AGT: variants seen among roughly 807,000 people sequenced by gnomAD.
The protein encoded by AGT is angiotensinogen.
Under a neutral mutation model 28.1 loss-of-function variants are expected in AGT, and 26 were observed. That is an observed-to-expected ratio of 0.92 (90% confidence interval 0.68 to 1.28). The LOEUF is 1.28. AGT is among the 50% of genes most tolerant of loss of function. AGT has a pLI of 0.00. For missense variants in AGT, 596 were observed against 592.3 expected (o/e 1.01, Z -0.06); for synonymous variants, 259 against 259.6 (o/e 1.00, Z 0.02).
rs16852514 is a variant in AGT, at chr1:230,737,670, G to A, written c.-31+7845C>T. Among the ~76,000 whole-genome samples, 668 of 152,118 alleles carry A rather than the reference G, an allele frequency of 4.4e-3. 5 individuals carry two copies. The highest frequency in any genetic ancestry group is 0.014 in the African/African-American group (581 of 41,502). ...CTCCCTTTTAGTACTACAACTTTAC[G>A]AAACACTGTAGGAGGCAAAATGAGG... On this transcript the variant is annotated intron_variant, in intron 1 of 4. Coordinates refer to the AGT transcript ENST00000681269.
chr1:230,724,064 G>C (rs4284270), intron 1 of AGT, among the ~76,000 whole-genome samples: 125 of 152,314 alleles, frequency 8.2e-4, no homozygotes, highest in African/African-American at 3.0e-3. Context: ...CCAAATCTGG[G>C]CTGGACCACC....
intron 1 of AGT, among the ~76,000 whole-genome samples, chr1:230,733,972 A>G (rs1176737455): frequency 3.3e-5 from 5 of 152,152 alleles, no homozygotes; most frequent in Non-Finnish European, 7.3e-5. Flanking sequence ...GATGCACAGA[A>G]GCCCAACTCA....
At chr1:230,718,480 C>T (rs1663781068), upstream of AGT, among the ~76,000 whole-genome samples, 1 of 152,018 alleles carries the variant, frequency 6.6e-6, no homozygotes, top group African/African-American at 2.4e-5. Flanking sequence ...GATCTCTAGA[C>T]TTGTTCATCG....
chr1:230,717,610 G>A (rs529533558), upstream of AGT, among the ~76,000 whole-genome samples: 111 of 152,284 alleles, frequency 7.3e-4, 1 homozygote, highest in African/African-American at 2.6e-3. Flanking sequence ...TGCCTTGGAA[G>A]AGGCATGTGA....
At chr1:230,719,650 G>T (rs570323715) in intron 1 of AGT, among the ~76,000 whole-genome samples, 1 of 151,930 alleles carries the variant, frequency 6.6e-6, no homozygotes, top group Non-Finnish European at 1.5e-5. Flanking sequence ...CTCGTGATCC[G>T]CCTGCCTCGG....
intron 1 of AGT, among the ~76,000 whole-genome samples, chr1:230,724,995 G>A (rs74144814): frequency 0.014 from 2,059 of 152,144 alleles, 53 homozygotes; most frequent in African/African-American, 0.046. Flanking sequence ...AAATCTGATG[G>A]GGACAAAAAT....
intron 3 of AGT, 77 bp from the exon 4 acceptor site, chr1:230,704,414 C>G: frequency 1.3e-6 from 2 of 1,546,958 alleles, no homozygotes; most frequent in Non-Finnish European, 1.8e-6. Flanking sequence ...CAGGCTTATG[C>G]TCCTTGCACC....
intron 1 of AGT, among the ~76,000 whole-genome samples, chr1:230,724,823 CACAA>C (rs754169820): frequency 1.3e-5 from 2 of 152,044 alleles, no homozygotes; most frequent in South Asian, 2.1e-4. Context: ...AAGACATTGT[CACAA>C]ACAAACAAAC....
intron 1 of AGT, among the ~76,000 whole-genome samples, chr1:230,739,198 G>GA (rs1553316565): frequency 7.0e-6 from 1 of 143,842 alleles, no homozygotes. Flanking sequence ...TCCTCTACAG[G>GA]TTTTTTTTTT....
At chr1:230,716,231 A>T (rs1663732568), upstream of AGT, among the ~76,000 whole-genome samples, 2 of 152,196 alleles carry the variant, frequency 1.3e-5, no homozygotes, top group Non-Finnish European at 2.9e-5. Context: ...TGAGAATGTA[A>T]ATTATTCCCA....
chr1:230,704,348 G>A lies in AGT; in HGVS notation c.1098-11C>T. Reference sequence around the variant, plus strand: ...GTCAGGTGGATGGTCCTGGGGAGATGATGCACAGTTAGGAAGGCTCCAGGC... The same window carrying A: ...GTCAGGTGGATGGTCCTGGGGAGATAATGCACAGTTAGGAAGGCTCCAGGC... On this transcript the variant is annotated splice_polypyrimidine_tract_variant and intron_variant, in intron 3 of 4. Transcript: ENST00000366667. The A allele has an allele frequency of 6.2e-7, 1 of 1,614,006 alleles. No individual in the cohort carries two copies. The highest frequency in any genetic ancestry group is 1.7e-5 in the Admixed American group (1 of 59,994).
chr1:230,715,551 A>G (rs750872373), upstream of AGT, among the ~76,000 whole-genome samples: 3 of 152,216 alleles, frequency 2.0e-5, no homozygotes, highest in Non-Finnish European at 4.4e-5. Flanking sequence ...TTTTTAAAAT[A>G]AGAGACCATT....
chr1:230,732,529 T>G (rs1664086540), intron 1 of AGT, among the ~76,000 whole-genome samples: 2 of 152,068 alleles, frequency 1.3e-5, no homozygotes, highest in South Asian at 4.2e-4. Context: ...AACTTTTGAC[T>G]CTCCCCAAAC....
intron 2 of AGT, among the ~76,000 whole-genome samples, chr1:230,709,188 CA>C (rs1421123216): frequency 2.6e-5 from 4 of 152,252 alleles, no homozygotes; most frequent in Non-Finnish European, 5.9e-5. Flanking sequence ...AGGGCCTATA[CA>C]GCCCTCCTCT....
chr1:230,708,550 C>T (rs1170008568), intron 2 of AGT, among the ~76,000 whole-genome samples: 1 of 152,156 alleles, frequency 6.6e-6, no homozygotes, highest in Non-Finnish European at 1.5e-5. Context: ...AGGGAAAGAC[C>T]TCAAGGAGGT....
intron 1 of AGT, among the ~76,000 whole-genome samples, chr1:230,713,174 C>T (rs553850053): frequency 2.0e-5 from 3 of 152,272 alleles, no homozygotes; most frequent in African/African-American, 7.2e-5. Context: ...TTATTCTGTC[C>T]AGCGTCTTTG....
In AGT at chr1:230,737,826, T is replaced by C. The variant is rs566010257; in HGVS notation, c.-31+7689A>G. On this transcript the variant is annotated intron_variant, in intron 1 of 4. Coordinates refer to the AGT transcript ENST00000681269. ...TAGAGTTGTGCAACCACCACCACAG[T>C]CAATTTTAGAAGATTTCATCATCTC... Among the ~76,000 whole-genome samples, 93 of 152,276 alleles carry C rather than the reference T, an allele frequency of 6.1e-4. 1 individual carries two copies. The highest frequency in any genetic ancestry group is 1.2e-3 in the Non-Finnish European group (83 of 68,018).
chr1:230,731,703 T>C (rs541150178), intron 1 of AGT, among the ~76,000 whole-genome samples: 1 of 152,104 alleles, frequency 6.6e-6, no homozygotes, highest in Admixed American at 6.5e-5. Context: ...CCGTCTCTAC[T>C]AAAAATACAA....
chr1:230,711,118 A>G (rs543795379), intron 1 of AGT, among the ~76,000 whole-genome samples: 2 of 152,356 alleles, frequency 1.3e-5, no homozygotes, highest in East Asian at 3.9e-4. Context: ...CCTCAACCCC[A>G]GGACCTCAGA....
Sources: gnomAD v4.1 joint callset for allele counts (sites outside exome capture counted in the v4.1 genomes callset) on GRCh38, gnomAD v4.1.1 for gene constraint, MANE v1.5 for transcripts, NCBI Gene and HGNC (gene_info 2026-07-23, HGNC 2026-07-21) for gene names.